Variants in PTPRR observed in about 807,000 individuals in gnomAD.
The protein encoded by PTPRR is protein tyrosine phosphatase receptor type R.
Under a neutral mutation model 77.2 loss-of-function variants are expected in PTPRR, and 38 were observed. That is an observed-to-expected ratio of 0.49 (90% CI 0.38 to 0.65). PTPRR has a LOEUF of 0.65. Ranked by LOEUF, PTPRR falls within the 30% of genes least tolerant of loss-of-function variation. The pLI is 0.00. For missense variants in PTPRR, 744 were observed against 799.2 expected (o/e 0.93, Z 0.83); for synonymous variants, 299 against 283.1 (o/e 1.06, Z -0.57).
chr12:70,865,889 A>G (rs1892836408), intron 2 of PTPRR, among the ~76,000 whole-genome samples: 1 of 152,184 alleles, frequency 6.6e-6, no homozygotes, highest in South Asian at 2.1e-4. Flanking sequence ...AACCACCTCA[A>G]AACAAGACAC....
intron 1 of PTPRR, among the ~76,000 whole-genome samples, chr12:70,909,638 A>G (rs1309538711): frequency 6.6e-6 from 1 of 152,222 alleles, no homozygotes; most frequent in East Asian, 1.9e-4. Context: ...GGCCCCCTTC[A>G]CATAAACTCA....
chr12:70,733,717 C>A (rs1513101), intron 6 of PTPRR, among the ~76,000 whole-genome samples: 16,662 of 151,912 alleles, frequency 0.11, 3,110 homozygotes, highest in African/African-American at 0.38. Context: ...TATAAGATTT[C>A]CAGAAAAAGA....
chr12:70,761,719 C>T (rs1165966402), intron 3 of PTPRR, 93 bp from the exon 4 acceptor site: 5 of 1,011,084 alleles, frequency 4.9e-6, no homozygotes, highest in Non-Finnish European at 6.8e-6. Flanking sequence ...TAAAGGAAGT[C>T]AGAATTCTAG....
chr12:70,742,002 A>C (rs544566772), intron 6 of PTPRR, among the ~76,000 whole-genome samples: 1 of 152,312 alleles, frequency 6.6e-6, no homozygotes, highest in East Asian at 1.9e-4. Flanking sequence ...AGGAAGAGAG[A>C]GAGAAAAGGA....
At chr12:70,694,412 T>C (rs1253084893) in intron 8 of PTPRR, among the ~76,000 whole-genome samples, 3 of 152,184 alleles carry the variant, frequency 2.0e-5, no homozygotes, top group Non-Finnish European at 4.4e-5. Context: ...TAGATGCCCA[T>C]CAACAGTGGA....
At chr12:70,732,381 G>A (rs1391016652) in intron 6 of PTPRR, among the ~76,000 whole-genome samples, 10 of 152,152 alleles carry the variant, frequency 6.6e-5, no homozygotes, top group Admixed American at 3.3e-4. Context: ...TTCACAGCAG[G>A]GACCGTGAGG....
rs184636658 is a variant in PTPRR, at chr12:70,735,188, T to C, written c.1007+10630A>G. On this transcript the variant is annotated intron_variant, in intron 6 of 13. Transcript: ENST00000283228. ...CCTCCCTCAGCTCTGGACATCCCCATACAAGTATAAGAATATGAAAATATT... is the reference window on the plus strand; with the variant it reads ...CCTCCCTCAGCTCTGGACATCCCCACACAAGTATAAGAATATGAAAATATT... 9.3e-4 allele frequency among the ~76,000 whole-genome samples: 142 copies of C among 152,276 alleles called. 1 individual carries two copies. The highest frequency in any genetic ancestry group is 3.3e-3 in the African/African-American group (139 of 41,564).
intron 10 of PTPRR, among the ~76,000 whole-genome samples, chr12:70,665,625 G>T (rs1228868450): frequency 1.3e-5 from 2 of 151,232 alleles, no homozygotes; most frequent in Non-Finnish European, 3.0e-5. Flanking sequence ...CAGGTGATCT[G>T]CCCACCTTGG....
chr12:70,776,227 C>G (rs577258588), intron 2 of PTPRR, among the ~76,000 whole-genome samples: 15 of 152,086 alleles, frequency 9.9e-5, no homozygotes, highest in Admixed American at 5.2e-4. Flanking sequence ...TTTACACCAC[C>G]ACCACGACAT....
At chr12:70,783,370 CCT>C (rs1364068428) in intron 2 of PTPRR, among the ~76,000 whole-genome samples, 6 of 152,076 alleles carry the variant, frequency 3.9e-5, no homozygotes, top group Non-Finnish European at 8.8e-5. Flanking sequence ...GAAGATTGTT[CCT>C]CTCTGTAGCT....
chr12:70,776,387 A>G (rs1184359811), intron 2 of PTPRR, among the ~76,000 whole-genome samples: 2 of 152,160 alleles, frequency 1.3e-5, no homozygotes, highest in Non-Finnish European at 2.9e-5. Flanking sequence ...ATGGGTTGCC[A>G]GTTTTCTGTG....
At chr12:70,861,872 G>T (rs1892759092) in intron 2 of PTPRR, among the ~76,000 whole-genome samples, 1 of 152,130 alleles carries the variant, frequency 6.6e-6, no homozygotes, top group Admixed American at 6.6e-5. Flanking sequence ...TTCTTAAAGG[G>T]TACAGTTTGG....
intron 12 of PTPRR, among the ~76,000 whole-genome samples, chr12:70,658,534 T>C (rs540431761): frequency 6.6e-6 from 1 of 152,246 alleles, no homozygotes; most frequent in South Asian, 2.1e-4. Context: ...AGAGAGAATA[T>C]TCTAGGTACG....
intron 2 of PTPRR, among the ~76,000 whole-genome samples, chr12:70,853,630 T>C (rs1366241789): frequency 6.6e-6 from 1 of 152,192 alleles, no homozygotes; most frequent in Non-Finnish European, 1.5e-5. Flanking sequence ...AATATGCTTT[T>C]GCTTCTTGTA....
At chr12:70,912,909 T>C (rs1388098033) in intron 1 of PTPRR, among the ~76,000 whole-genome samples, 1 of 152,132 alleles carries the variant, frequency 6.6e-6, no homozygotes, top group Non-Finnish European at 1.5e-5. Context: ...CTACTCTAAG[T>C]GTGTCAGCAT....
intron 6 of PTPRR, among the ~76,000 whole-genome samples, chr12:70,730,447 G>T (rs922779548): frequency 6.6e-6 from 1 of 152,082 alleles, no homozygotes; most frequent in Non-Finnish European, 1.5e-5. Context: ...GGAGGAGGAG[G>T]TTGCAGTGAG....
chr12:70,761,495 A>G lies in PTPRR; in HGVS notation c.603T>C (p.Phe201=), dbSNP rs1251558298. 2 of 1,608,272 alleles carry G rather than the reference A, an allele frequency of 1.2e-6. No individual in the cohort carries two copies. Among genetic ancestry groups the G allele is most frequent in the Non-Finnish European group, 1.7e-6 (2 of 1,177,716 alleles). Residue 201 remains phenylalanine (F), a synonymous_variant, in exon 4 of 14, where the codon TTT becomes TTC. Transcript: ENST00000283228. ...INVLHQSLSQ[F]GITEVSPEKN... ...CCTCAGGAGAGACTTCTGTAATTCC[A>G]AACTGGGATAAACTTTGATGCAAAA...
intron 2 of PTPRR, among the ~76,000 whole-genome samples, chr12:70,782,622 A>AG (rs1359796241): frequency 6.7e-6 from 1 of 150,036 alleles, no homozygotes; most frequent in Non-Finnish European, 1.5e-5. Context: ...TCTCACTCAT[A>AG]GTGGGAATTG....
intron 2 of PTPRR, among the ~76,000 whole-genome samples, chr12:70,809,040 C>T (rs1891761542): frequency 1.3e-5 from 2 of 152,192 alleles, no homozygotes; most frequent in African/African-American, 4.8e-5. Flanking sequence ...TTTCTCTTGC[C>T]ATTTCCCGCC....
Sources: allele counts gnomAD v4.1 joint callset (sites outside exome capture counted in the v4.1 genomes callset), GRCh38; gene constraint gnomAD v4.1.1; transcripts MANE v1.5; gene names NCBI Gene and HGNC (gene_info 2026-07-23, HGNC 2026-07-21).